The following TTC39B variants were observed in gnomAD, a reference collection of about 807,000 sequenced individuals.
TTC39B encodes the protein tetratricopeptide repeat domain 39B, also known as tetratricopeptide repeat protein 39B.
TTC39B carries 92 observed loss-of-function variants against 96.6 expected under a neutral mutation model. The observed-to-expected ratio is 0.95, with a 90% confidence interval of 0.80 to 1.13. The LOEUF is 1.13. Among genes scored for constraint, TTC39B ranks in the 50% most tolerant of loss-of-function variants. TTC39B has a pLI of 0.00. For missense variants in TTC39B, 955 were observed against 809.3 expected, an observed-to-expected ratio of 1.18 and a Z score of -2.18; for synonymous variants, 367 against 299.4, an observed-to-expected ratio of 1.23 and a Z score of -2.33.
Position 15,200,568 on chromosome 9 carries a change from G to A in TTC39B, c.760-643C>T, listed in dbSNP as rs112710141. Among the ~76,000 whole-genome samples, 658 of 152,270 alleles carry A rather than the reference G, an allele frequency of 4.3e-3. 3 individuals are homozygous for A. The highest frequency in any genetic ancestry group is 0.015 in the African/African-American group (616 of 41,536). On this transcript the variant is annotated intron_variant, in intron 7 of 19. Transcript: ENST00000512701. The stretch of plus-strand genomic sequence containing the variant: ...GGCCTAGATGAATGGCATTTTCAGG[G>A]TCAGCATTCTAGGATTCTAAGACAA...
At chr9:15,275,981 C>A (rs921531232) in intron 1 of TTC39B, among the ~76,000 whole-genome samples, 2 of 152,106 alleles carry the variant, frequency 1.3e-5, no homozygotes, top group African/African-American at 4.8e-5. Flanking sequence ...TTGTAAGAAA[C>A]AAATGCTGAT....
chr9:15,178,963 A>G (rs1818104373), intron 17 of TTC39B, among the ~76,000 whole-genome samples: 1 of 152,206 alleles, frequency 6.6e-6, no homozygotes, highest in Admixed American at 6.5e-5. Context: ...AAACTATGCC[A>G]TAAGATTTAA....
At chr9:15,292,370 C>A (rs1283144123) in intron 1 of TTC39B, among the ~76,000 whole-genome samples, 2 of 152,212 alleles carry the variant, frequency 1.3e-5, no homozygotes, top group African/African-American at 4.8e-5. Context: ...TGTGGTGATG[C>A]CGGTATAAAC....
chr9:15,231,108 C>A (rs756404274), intron 2 of TTC39B, among the ~76,000 whole-genome samples: 1 of 151,966 alleles, frequency 6.6e-6, no homozygotes, highest in Non-Finnish European at 1.5e-5. Context: ...TATGTGGTAA[C>A]TTTATGTTTG....
chr9:15,198,538 T>C (rs900037943), intron 8 of TTC39B, among the ~76,000 whole-genome samples: 5 of 151,028 alleles, frequency 3.3e-5, no homozygotes, highest in Non-Finnish European at 7.4e-5. Context: ...AAACTTCTTA[T>C]AATTTATGTC....
At chr9:15,210,305 C>T (rs1380278502) in intron 5 of TTC39B, 141 bp from the exon 6 acceptor site, 8 of 600,108 alleles carry the variant, frequency 1.3e-5, no homozygotes, top group Non-Finnish European at 2.4e-5. Context: ...GTCTATAGGA[C>T]ACAGATCATC....
chr9:15,209,356 C>T (rs898399113), intron 6 of TTC39B, among the ~76,000 whole-genome samples: 3 of 152,118 alleles, frequency 2.0e-5, no homozygotes, highest in Admixed American at 6.5e-5. Flanking sequence ...CCAGCCATTC[C>T]TGGATTCTTG....
intron 11 of TTC39B, 46 bp downstream of exon 11, chr9:15,190,508 G>T: frequency 6.4e-7 from 1 of 1,555,100 alleles, no homozygotes; most frequent in Non-Finnish European, 8.9e-7. Context: ...ACCATGTCTG[G>T]CCAAGACAAT....
intron 8 of TTC39B, among the ~76,000 whole-genome samples, chr9:15,195,562 C>T (rs1174414678): frequency 2.7e-5 from 4 of 148,796 alleles, no homozygotes; most frequent in Non-Finnish European, 5.9e-5. Context: ...CTCAGCTACT[C>T]GGGAGGCTGA....
intron 2 of TTC39B, among the ~76,000 whole-genome samples, chr9:15,231,227 G>A (rs988964071): frequency 6.6e-6 from 1 of 151,922 alleles, no homozygotes; most frequent in Admixed American, 6.6e-5. Flanking sequence ...TGCCCAGGCT[G>A]GTCTTGAACT....
chr9:15,223,618 C>G (rs868241400), intron 3 of TTC39B, among the ~76,000 whole-genome samples: 1 of 152,162 alleles, frequency 6.6e-6, no homozygotes, highest in African/African-American at 2.4e-5. Context: ...TCCACTTTGC[C>G]AAGTGTCATT....
intron 2 of TTC39B, chr9:15,232,359 C>T (rs79235538): frequency 0.04 from 6,029 of 152,480 alleles, 392 homozygotes; most frequent in African/African-American, 0.14. Context: ...GAGGTGGAAA[C>T]GGGAGGTGGG....
chr9:15,195,951 T>A (rs1442446211), intron 8 of TTC39B, among the ~76,000 whole-genome samples: 2 of 152,200 alleles, frequency 1.3e-5, no homozygotes, highest in Non-Finnish European at 2.9e-5. Context: ...TGGAAGCCAA[T>A]GTTCACTTAC....
At chr9:15,209,649 T>C (rs1820072244) in intron 6 of TTC39B, among the ~76,000 whole-genome samples, 1 of 152,214 alleles carries the variant, frequency 6.6e-6, no homozygotes, top group Admixed American at 6.5e-5. Context: ...TCCATATGTA[T>C]AAGGATTCTA....
At chr9:15,179,416 A>C (rs1002573455) in intron 17 of TTC39B, among the ~76,000 whole-genome samples, 5 of 152,202 alleles carry the variant, frequency 3.3e-5, no homozygotes, top group Admixed American at 1.3e-4. Context: ...TAACAATGCT[A>C]CTTAACCAAC....
intron 1 of TTC39B, among the ~76,000 whole-genome samples, chr9:15,297,826 C>T (rs1324531259): frequency 6.6e-6 from 1 of 152,164 alleles, no homozygotes; most frequent in East Asian, 1.9e-4. Flanking sequence ...CCATGATCTC[C>T]ACAATCTGAC....
At chr9:15,283,786 A>C (rs539003735) in intron 1 of TTC39B, among the ~76,000 whole-genome samples, 1 of 152,318 alleles carries the variant, frequency 6.6e-6, no homozygotes, top group African/African-American at 2.4e-5. Context: ...ATATTTAATA[A>C]CTGATGCTAA....
At chr9:15,261,247 G>A (rs922589552) in intron 2 of TTC39B, among the ~76,000 whole-genome samples, 1 of 152,112 alleles carries the variant, frequency 6.6e-6, no homozygotes, top group East Asian at 1.9e-4. Context: ...GGGAGGCAAA[G>A]GTGGGAGGAT....
chr9:15,250,967 G>A (rs753509550), intron 2 of TTC39B, among the ~76,000 whole-genome samples: 2 of 152,222 alleles, frequency 1.3e-5, no homozygotes, highest in East Asian at 1.9e-4. Context: ...GGAGGCTGAG[G>A]GGGGCAGATC....
Sources: allele counts gnomAD v4.1 joint callset (sites outside exome capture counted in the v4.1 genomes callset), GRCh38; gene constraint gnomAD v4.1.1; transcripts MANE v1.5; gene names NCBI Gene and HGNC (gene_info 2026-07-23, HGNC 2026-07-21).